RFPL3: variants seen among roughly 807,000 people sequenced by gnomAD.
The protein encoded by RFPL3 is ret finger protein like 3.
In RFPL3, 8 loss-of-function variants were observed where a neutral mutation model predicts 8.7. The observed-to-expected ratio is 0.92, with a 90% CI of 0.54 to 1.66. The LOEUF (loss-of-function observed/expected upper bound fraction) is 1.66, where lower values mean the gene tolerates loss of function less well. Ranked by LOEUF, RFPL3 falls within the 40% of genes most tolerant of loss-of-function variation. The pLI, the probability that RFPL3 is intolerant of heterozygous loss-of-function variation, is 0.00. For synonymous variants in RFPL3, 145 were observed against 150.5 expected (o/e 0.96, Z 0.27); for missense variants, 341 against 395.0 (o/e 0.86, Z 1.16).
At position 32,360,842 on chromosome 22, in the gene RFPL3, G is replaced by T; in HGVS notation, c.*10G>T. 1 of 1,499,784 alleles carries T rather than the reference G, an allele frequency of 6.7e-7. No individual in the cohort carries two copies. The highest frequency in any genetic ancestry group is 1.4e-5 in the South Asian group (1 of 70,380). 92.9% of individuals were successfully genotyped at this position (1,499,784 alleles called of 1,614,324 possible). ...TGGGGAGGCCAAATAAGCCGCCACT[G>T]CAAAAAAAAACAGGGTCAGAAAATT... is the stretch of plus-strand genomic sequence containing the variant. On this transcript the variant is annotated 3_prime_UTR_variant, in exon 2 of 2. Transcript: ENST00000249007.
upstream of RFPL3, among the ~76,000 whole-genome samples, chr22:32,355,501 A>G (rs759536378): frequency 3.3e-5 from 5 of 152,030 alleles, no homozygotes; most frequent in African/African-American, 7.2e-5. Flanking sequence ...TAAATGATGC[A>G]TCCTCCAAAG....
chr22:32,355,972 TTG>T (rs1355130916), upstream of RFPL3, among the ~76,000 whole-genome samples: 1 of 152,054 alleles, frequency 6.6e-6, no homozygotes, highest in African/African-American at 2.4e-5. Flanking sequence ...TGCTGGCCTT[TTG>T]TGTGTGTTTC....
At position 32,358,116 on chromosome 22, in the gene RFPL3, A is replaced by C. The variant is rs58637580; in HGVS notation, c.45A>C (p.Gln15His). The change falls in exon 1 of 2, where the codon CAA (glutamine) becomes CAC (histidine). Residue 15 changes from glutamine (Q) to histidine (H), a missense_variant. Transcript: ENST00000249007. ...SLVTTNRLSPQGNFLPLCTFP... is the reference protein window; with the variant it reads ...SLVTTNRLSPHGNFLPLCTFP... ...TCACAACTAACAGGCTTTCACCTCA[A>C]GGAAATTTTCTTCCCTTGTGTACTT... is the stretch of plus-strand genomic sequence containing the variant. The C allele has an allele frequency of 0.071, 114,385 of 1,613,818 alleles. 8,441 individuals carry two copies. Among genetic ancestry groups the C allele is most frequent in the East Asian group, 0.47 (21,241 of 44,846 alleles).
Position 32,358,256 on chromosome 22 carries a change from A to G in RFPL3, c.185A>G (p.Lys62Arg). ...SLECGCTVCL[K>R]CINSLQKEPH... ...GAGTGTGGATGCACCGTCTGCCTCAAGTGCATCAATTCGCTGCAGAAGGAG... is the reference window on the plus strand; with the variant it reads ...GAGTGTGGATGCACCGTCTGCCTCAGGTGCATCAATTCGCTGCAGAAGGAG... The change falls in exon 1 of 2, where the codon AAG becomes AGG. Residue 62 changes from lysine to arginine, a missense_variant. Lys to Arg is a conservative substitution (Grantham distance 26, BLOSUM62 2). Transcript: ENST00000249007. 1.2e-6 allele frequency: 2 copies of G among 1,613,956 alleles called. No homozygotes were observed. The highest frequency in any genetic ancestry group is 2.2e-5 in the South Asian group (2 of 91,074).
rs1932780475 is a variant in RFPL3, at chr22:32,360,921, A to G, written c.*89A>G. Reference sequence around the variant, plus strand: ...TACTTGGTAAAAGCATTATACAGTCATAGGAGAAAGATATGGGACATTTCT... The same window carrying G: ...TACTTGGTAAAAGCATTATACAGTCGTAGGAGAAAGATATGGGACATTTCT... On this transcript the variant is annotated 3_prime_UTR_variant, in exon 2 of 2. Coordinates refer to ENST00000249007, the MANE Select transcript of RFPL3 (RefSeq NM_001098535.1). The G allele has an allele frequency of 4.7e-6, 6 of 1,276,862 alleles. No individual in the cohort carries two copies. The highest frequency in any genetic ancestry group is 3.5e-5 in the South Asian group (2 of 56,978). 79.1% of individuals were successfully genotyped at this position (1,276,862 alleles called of 1,614,324 possible).
upstream of RFPL3, among the ~76,000 whole-genome samples, chr22:32,356,511 A>G (rs535207718): frequency 1.6e-4 from 24 of 152,234 alleles, no homozygotes; most frequent in African/African-American, 4.8e-4. Flanking sequence ...TATGTTAGCT[A>G]AGAAATGAAG....
Position 32,360,854 on chromosome 22 carries a change from A to G in RFPL3, c.*22A>G. The G allele has an allele frequency of 6.6e-7, 1 of 1,507,214 alleles. No individual in the cohort carries two copies. The highest frequency in any genetic ancestry group is 8.9e-7 in the Non-Finnish European group (1 of 1,129,114). 93.4% of individuals were successfully genotyped at this position (1,507,214 alleles called of 1,614,324 possible). ...ATAAGCCGCCACTGCAAAAAAAAAC[A>G]GGGTCAGAAAATTACTTGGGTGGGT... is the stretch of plus-strand genomic sequence containing the variant. On this transcript the variant is annotated 3_prime_UTR_variant, in exon 2 of 2. Transcript: ENST00000249007.
intron 1 of RFPL3, chr22:32,359,959 A>G (rs531087281): frequency 1.3e-4 from 57 of 433,636 alleles, no homozygotes; most frequent in African/African-American, 9.3e-4. Flanking sequence ...AAAGGGGGGC[A>G]TGGTGTCTGC....
At chr22:32,358,468 C>T (rs368845416) in intron 1 of RFPL3, 24 bp downstream of exon 1, 1 of 1,594,496 alleles carries the variant, frequency 6.3e-7, no homozygotes, top group Non-Finnish European at 8.5e-7. Context: ...ATACCCTGCC[C>T]CCTTCCCAAG....
upstream of RFPL3, among the ~76,000 whole-genome samples, chr22:32,357,172 C>T (rs1203027334): frequency 6.6e-6 from 1 of 152,162 alleles, no homozygotes; most frequent in African/African-American, 2.4e-5. Context: ...TTCAGGGAAC[C>T]TCCGAGCCTG....
chr22:32,355,155 T>C (rs953072016), upstream of RFPL3, among the ~76,000 whole-genome samples: 1 of 151,178 alleles, frequency 6.6e-6, no homozygotes, highest in Non-Finnish European at 1.5e-5. Flanking sequence ...GGAAAACCTC[T>C]AGGCCTACTC....
At position 32,360,415 on chromosome 22, in the gene RFPL3, C is replaced by T; in HGVS notation, c.537C>T (p.Arg179=). 2 of 1,613,934 alleles carry T rather than the reference C, an allele frequency of 1.2e-6. No individual in the cohort carries two copies. Among genetic ancestry groups the T allele is most frequent in the African/African-American group, 1.3e-5 (1 of 74,996 alleles). ...ILGSPRFTCG[R]HYWEVDVGTS... Reference sequence around the variant, plus strand: ...GCTCCCCTCGCTTTACCTGTGGCCGCCACTACTGGGAGGTGGACGTGGGAA... The same window carrying T: ...GCTCCCCTCGCTTTACCTGTGGCCGTCACTACTGGGAGGTGGACGTGGGAA... The change falls in exon 2 of 2, where the codon CGC becomes CGT. Residue 179 remains arginine (R), a synonymous_variant. Transcript: ENST00000249007.
upstream of RFPL3, among the ~76,000 whole-genome samples, chr22:32,355,761 G>A (rs1367640610): frequency 7.7e-6 from 1 of 130,274 alleles, no homozygotes; most frequent in South Asian, 2.4e-4. Context: ...CCAGCCTGGT[G>A]ACACAGCGAG....
At chr22:32,355,308 T>G (rs888813676), upstream of RFPL3, among the ~76,000 whole-genome samples, 1 of 152,102 alleles carries the variant, frequency 6.6e-6, no homozygotes, top group Non-Finnish European at 1.5e-5. Context: ...AAGAACCTCA[T>G]TTGCATAACC....
Sources: allele counts gnomAD v4.1 joint callset (sites outside exome capture counted in the v4.1 genomes callset), GRCh38; gene constraint gnomAD v4.1.1; transcripts MANE v1.5; gene names NCBI Gene and HGNC (gene_info 2026-07-23, HGNC 2026-07-21).